Variants in SYT17 observed in about 807,000 individuals in gnomAD.
SYT17 encodes the protein synaptotagmin 17.
SYT17 carries 22 observed loss-of-function variants against 46.7 expected under a neutral mutation model. The observed-to-expected ratio is 0.47, with a 90% CI of 0.34 to 0.67. The LOEUF is 0.67. SYT17 is among the 30% of genes least tolerant of loss of function. The pLI is 0.01. For synonymous variants in SYT17, 251 were observed against 248.4 expected (o/e 1.01, Z -0.10); for missense variants, 519 against 612.8 (o/e 0.85, Z 1.62).
chr16:19,177,380 C>T (rs926463355), intron 3 of SYT17, among the ~76,000 whole-genome samples: 1 of 152,188 alleles, frequency 6.6e-6, no homozygotes, highest in African/African-American at 2.4e-5. Flanking sequence ...GAACACTGGG[C>T]AGTGCTTAAT....
At chr16:19,179,524 C>T (rs1964460577) in intron 3 of SYT17, among the ~76,000 whole-genome samples, 1 of 152,202 alleles carries the variant, frequency 6.6e-6, no homozygotes, top group Non-Finnish European at 1.5e-5. Flanking sequence ...GCCTTGGCCT[C>T]CCAAAATGCT....
intron 5 of SYT17, among the ~76,000 whole-genome samples, chr16:19,215,063 C>T (rs1466464522): frequency 6.6e-6 from 1 of 152,126 alleles, no homozygotes; most frequent in South Asian, 2.1e-4. Context: ...GCTGGGATTA[C>T]AGGCATGAGC....
chr16:19,262,741 T>C (rs1969074564), intron 7 of SYT17, among the ~76,000 whole-genome samples: 1 of 152,204 alleles, frequency 6.6e-6, no homozygotes, highest in Non-Finnish European at 1.5e-5. Flanking sequence ...TGAGCCTCCT[T>C]GCAGAGGTAG....
At chr16:19,237,151 G>A (rs1407123025) in intron 7 of SYT17, among the ~76,000 whole-genome samples, 1 of 152,130 alleles carries the variant, frequency 6.6e-6, no homozygotes, top group East Asian at 1.9e-4. Flanking sequence ...CATCCAGCTG[G>A]TGAGTGGTTG....
intron 5 of SYT17, among the ~76,000 whole-genome samples, chr16:19,218,204 G>A (rs371620133): frequency 1.2e-4 from 19 of 152,176 alleles, no homozygotes; most frequent in African/African-American, 3.1e-4. Flanking sequence ...AATCATAATC[G>A]TGACATCCCC....
chr16:19,251,254 C>T (rs925637191), intron 7 of SYT17, among the ~76,000 whole-genome samples: 3 of 152,182 alleles, frequency 2.0e-5, no homozygotes, highest in Non-Finnish European at 4.4e-5. Flanking sequence ...ATTCAAATCC[C>T]GCTCTACCAC....
chr16:19,229,973 G>A (rs1434876952), intron 7 of SYT17, among the ~76,000 whole-genome samples: 1 of 152,146 alleles, frequency 6.6e-6, no homozygotes, highest in African/African-American at 2.4e-5. Context: ...GACAAATGCC[G>A]TATCATTTCA....
At chr16:19,195,828 T>G (rs1965218359) in intron 5 of SYT17, among the ~76,000 whole-genome samples, 2 of 151,828 alleles carry the variant, frequency 1.3e-5, no homozygotes, top group South Asian at 4.2e-4. Context: ...CTACAAAAAA[T>G]TTAAAACTTA....
At chr16:19,173,338 A>G in intron 2 of SYT17, 92 bp from the exon 3 acceptor site, 1 of 797,754 alleles carries the variant, frequency 1.3e-6, no homozygotes, top group Non-Finnish European at 1.9e-6. Context: ...GGCTGCTTGT[A>G]ATTTTGGGTG....
intron 5 of SYT17, among the ~76,000 whole-genome samples, chr16:19,205,934 A>T (rs1037899576): frequency 1.3e-5 from 2 of 152,094 alleles, no homozygotes; most frequent in Non-Finnish European, 2.9e-5. Flanking sequence ...AAGGAGGGGG[A>T]TTTTTTTCTG....
chr16:19,178,348 A>G (rs991421756), intron 3 of SYT17, among the ~76,000 whole-genome samples: 4 of 151,036 alleles, frequency 2.6e-5, no homozygotes, highest in Non-Finnish European at 5.9e-5. Context: ...GCCTCCCAAA[A>G]TGCTGGGATT....
At chr16:19,248,362 A>T (rs1255247138) in intron 7 of SYT17, among the ~76,000 whole-genome samples, 1 of 152,158 alleles carries the variant, frequency 6.6e-6, no homozygotes, top group East Asian at 1.9e-4. Context: ...CATGAATTAT[A>T]CTCCTAGGTA....
At position 19,252,450 on chromosome 16, in the gene SYT17, CATATATACATAT is replaced by C. The variant is rs1288559164; in HGVS notation, c.1229-14351_1229-14340del. Among the ~76,000 whole-genome samples the C allele has an allele frequency of 3.1e-3, 72 of 23,100 alleles. 7 individuals carry two copies. The highest frequency in any genetic ancestry group is 4.0e-3 in the Non-Finnish European group (67 of 16,948). 15.2% of individuals were successfully genotyped at this position (23,100 alleles called of 152,430 possible). Reference sequence around the variant, plus strand: ...ATACATATATATACATATATATACACATATATACATATATATATACATATATATATACATATA... The same window carrying C: ...ATACATATATATACATATATATACACATATATACATATATATATACATATA... On this transcript the variant is annotated intron_variant, in intron 7 of 7. Transcript: ENST00000355377.
intron 7 of SYT17, among the ~76,000 whole-genome samples, chr16:19,251,354 T>G (rs1271603902): frequency 6.6e-6 from 1 of 152,190 alleles, no homozygotes; most frequent in Non-Finnish European, 1.5e-5. Context: ...ACATGCCACA[T>G]TAACCCACAG....
chr16:19,223,557 A>G (rs1004561914), intron 6 of SYT17, among the ~76,000 whole-genome samples: 1 of 152,230 alleles, frequency 6.6e-6, no homozygotes, highest in African/African-American at 2.4e-5. Flanking sequence ...CTCTGAAAAG[A>G]CTTGTATTTA....
chr16:19,209,747 G>A (rs189323547), intron 5 of SYT17, among the ~76,000 whole-genome samples: 1,786 of 152,050 alleles, frequency 0.012, 18 homozygotes, highest in Middle Eastern at 0.041. Flanking sequence ...GCGTGGTGGT[G>A]GGCGCCTGTA....
rs766474439 is a variant in SYT17 at position 19,180,396 on chromosome 16, C to G, written c.188C>G (p.Ala63Gly). The part of the protein sequence containing the change: ...FPAQTPPWLM[A>G]SRSSDKDGDS... The stretch of plus-strand genomic sequence containing the variant: ...GACCTCTTCCCTTCCTATAGGATGG[C>G]CAGCCGGAGCAGTGACAAGGATGGT... The change falls in exon 4 of 8, where the codon GCC (alanine) becomes GGC (glycine). Residue 63 changes from alanine to glycine, a missense_variant. By Grantham distance (60) the Ala-to-Gly change is moderately conservative (BLOSUM62 0). Coordinates refer to ENST00000355377, the MANE Select transcript of SYT17 (RefSeq NM_016524.4). 1 of 1,614,032 alleles carries G rather than the reference C, an allele frequency of 6.2e-7. No homozygotes were observed. The highest frequency in any genetic ancestry group is 1.1e-5 in the South Asian group (1 of 91,086).
At position 19,173,346 on chromosome 16, in the gene SYT17, G is replaced by C. The variant is rs1343842792; in HGVS notation, c.34-84G>C. On this transcript the variant is annotated intron_variant, in intron 2 of 7. Transcript: ENST00000355377. ...CGAGATCGGCTGCTTGTAATTTTGG[G>C]TGTTGTTTCTCCTCTTCCTCTTCCC... is the stretch of plus-strand genomic sequence containing the variant. 3 of 865,646 alleles carry C rather than the reference G, an allele frequency of 3.5e-6. No individual in the cohort carries two copies. The East Asian group carries it at 8.4e-5, about 24-fold the overall frequency. The allele number at this position is 865,646 out of a possible 1,614,324, so 53.6% of individuals were successfully genotyped here.
In SYT17 at chr16:19,183,861, A is replaced by T. The variant is rs779729806; in HGVS notation, c.665A>T (p.Gln222Leu). The stretch of plus-strand genomic sequence containing the variant: ...CCCATCTCCCACGATGGCTCGCGCC[A>T]GGACATGGCGCACTCCAACCCCTAC... ...PPPISHDGSRQDMAHSNPYVK... is the reference protein window; with the variant it reads ...PPPISHDGSRLDMAHSNPYVK... Residue 222 changes from glutamine (Q) to leucine (L), a missense_variant, in exon 5 of 8, where the codon CAG (glutamine) becomes CTG (leucine). Gln to Leu is a moderately radical substitution (Grantham distance 113, BLOSUM62 -2). Transcript: ENST00000355377. The surrounding 1 kb of genome is among the most constrained non-coding windows in gnomAD (Gnocchi z 5.6). The T allele has an allele frequency of 1.9e-6, 3 of 1,614,174 alleles. No homozygotes were observed. Among genetic ancestry groups the T allele is most frequent in the Non-Finnish European group, 2.5e-6 (3 of 1,180,030 alleles).
Sources: allele counts gnomAD v4.1 joint callset (sites outside exome capture counted in the v4.1 genomes callset), GRCh38; gene constraint gnomAD v4.1.1; non-coding constraint Gnocchi (gnomAD v3.1); transcripts MANE v1.5; gene names NCBI Gene and HGNC (gene_info 2026-07-23, HGNC 2026-07-21).